EPHA6: variants seen among roughly 807,000 people sequenced by gnomAD.
The protein encoded by EPHA6 is EPH receptor A6.
In EPHA6, 50 loss-of-function variants were observed where a neutral mutation model predicts 112.0. The observed-to-expected ratio is 0.45, with a 90% CI of 0.36 to 0.56. The LOEUF (loss-of-function observed/expected upper bound fraction) is 0.56. Ranked by LOEUF, EPHA6 falls within the 20% of genes least tolerant of loss-of-function variation. The pLI is 0.00. For missense variants in EPHA6, 1,280 were observed against 1,417.4 expected, an observed-to-expected ratio of 0.90 and a Z score of 1.56; for synonymous variants, 529 against 490.7, an observed-to-expected ratio of 1.08 and a Z score of -1.03.
At chr3:97,515,112 A>C (rs1278404207) in intron 10 of EPHA6, among the ~76,000 whole-genome samples, 1 of 152,222 alleles carries the variant, frequency 6.6e-6, no homozygotes, top group Non-Finnish European at 1.5e-5. Flanking sequence ...CATTAACCTG[A>C]GATAGTATGT....
At chr3:97,407,851 A>G (rs1252669635) in intron 6 of EPHA6, among the ~76,000 whole-genome samples, 1 of 152,010 alleles carries the variant, frequency 6.6e-6, no homozygotes, top group Non-Finnish European at 1.5e-5. Flanking sequence ...CCCCTTCAAA[A>G]CAGTCCAAAC....
intron 3 of EPHA6, among the ~76,000 whole-genome samples, chr3:97,047,454 C>A (rs1187730524): frequency 6.9e-6 from 1 of 144,496 alleles, no homozygotes; most frequent in Non-Finnish European, 1.5e-5. Context: ...GAGCAGAGAT[C>A]GCACCACTGC....
intron 3 of EPHA6, among the ~76,000 whole-genome samples, chr3:97,187,582 CAAAAAAA>C (rs756097255): frequency 1.1e-4 from 3 of 26,586 alleles, no homozygotes; most frequent in Non-Finnish European, 2.0e-4. Flanking sequence ...CTCAAAACGT[CAAAAAAA>C]AAAAAAAAGA....
At chr3:97,264,650 C>T (rs2079612173) in intron 5 of EPHA6, among the ~76,000 whole-genome samples, 1 of 152,208 alleles carries the variant, frequency 6.6e-6, no homozygotes, top group Admixed American at 6.5e-5. Context: ...CATTTTTAGC[C>T]TCGCCATTTG....
intron 3 of EPHA6, among the ~76,000 whole-genome samples, chr3:97,205,378 T>G (rs1047368760): frequency 5.9e-5 from 9 of 151,944 alleles, no homozygotes; most frequent in African/African-American, 2.2e-4. Context: ...ATTTATTTAT[T>G]AAATATAATT....
intron 15 of EPHA6, among the ~76,000 whole-genome samples, chr3:97,729,793 T>C (rs944070682): frequency 6.6e-6 from 1 of 152,014 alleles, no homozygotes; most frequent in South Asian, 2.1e-4. Context: ...TATTGTATTA[T>C]GAATATAAAT....
chr3:96,887,083 T>G (rs1232743816), intron 2 of EPHA6, among the ~76,000 whole-genome samples: 3 of 152,224 alleles, frequency 2.0e-5, no homozygotes, highest in Non-Finnish European at 4.4e-5. Flanking sequence ...CTTTTTGAGG[T>G]AAATCAGGGA....
At position 97,609,411 on chromosome 3, in the gene EPHA6, T is replaced by G. The variant is rs1198478563; in HGVS notation, c.2513-1382T>G. Among the ~76,000 whole-genome samples the G allele has an allele frequency of 2.0e-5, 3 of 151,388 alleles. No homozygotes were observed. The Admixed American group carries it at 2.0e-4, about 10-fold the overall frequency. On this transcript the variant is annotated intron_variant, in intron 12 of 17. Transcript: ENST00000389672. The stretch of plus-strand genomic sequence containing the variant: ...AGGTTTAAAACCTGAATTTTCTAGA[T>G]CCCTGCCCACAAGAGTGCTGACAGT...
intron 12 of EPHA6, among the ~76,000 whole-genome samples, chr3:97,602,401 T>A (rs1677510844): frequency 6.6e-6 from 1 of 152,006 alleles, no homozygotes; most frequent in South Asian, 2.1e-4. Context: ...TAGTTCATAA[T>A]ACCCTTCCAG....
At chr3:97,588,648 A>T (rs1423214683) in intron 11 of EPHA6, among the ~76,000 whole-genome samples, 1 of 152,234 alleles carries the variant, frequency 6.6e-6, no homozygotes, top group East Asian at 1.9e-4. Context: ...TTATTTTTAA[A>T]GAAACACTAA....
intron 5 of EPHA6, among the ~76,000 whole-genome samples, chr3:97,351,468 A>G (rs1224837107): frequency 6.6e-6 from 1 of 152,232 alleles, no homozygotes; most frequent in African/African-American, 2.4e-5. Context: ...ATATATTTCA[A>G]CTTTTGTCAA....
intron 5 of EPHA6, among the ~76,000 whole-genome samples, chr3:97,399,479 T>C (rs961847104): frequency 2.0e-5 from 3 of 151,632 alleles, no homozygotes; most frequent in African/African-American, 7.2e-5. Context: ...GATCATATGG[T>C]AGTTCTATTT....
At chr3:97,279,897 T>G (rs1206938399) in intron 5 of EPHA6, among the ~76,000 whole-genome samples, 1 of 152,208 alleles carries the variant, frequency 6.6e-6, no homozygotes, top group Non-Finnish European at 1.5e-5. Context: ...TGTTTTTGTT[T>G]TTTTTGAGAC....
At chr3:97,677,878 G>T (rs1366361735) in intron 14 of EPHA6, among the ~76,000 whole-genome samples, 1 of 152,036 alleles carries the variant, frequency 6.6e-6, no homozygotes, top group Non-Finnish European at 1.5e-5. Context: ...GGAGTTAAAA[G>T]AACTGTAATT....
At chr3:97,201,949 G>C (rs1386699951) in intron 3 of EPHA6, among the ~76,000 whole-genome samples, 1 of 152,024 alleles carries the variant, frequency 6.6e-6, no homozygotes, top group African/African-American at 2.4e-5. Flanking sequence ...GCTCATCGTT[G>C]GCAAAGTACT....
intron 3 of EPHA6, among the ~76,000 whole-genome samples, chr3:97,162,871 A>G (rs1206062660): frequency 1.3e-5 from 2 of 152,192 alleles, no homozygotes; most frequent in African/African-American, 4.8e-5. Context: ...TAGAAACACT[A>G]TCAACTAGCC....
chr3:96,992,633 T>TA, intron 3 of EPHA6, among the ~76,000 whole-genome samples: 1 of 152,114 alleles, frequency 6.6e-6, no homozygotes, highest in South Asian at 2.1e-4. Flanking sequence ...TTCTGATATA[T>TA]TGATTCTAAG....
At chr3:97,329,114 G>C (rs2082639232) in intron 5 of EPHA6, among the ~76,000 whole-genome samples, 1 of 152,046 alleles carries the variant, frequency 6.6e-6, no homozygotes, top group Non-Finnish European at 1.5e-5. Context: ...ATGGTTTCCA[G>C]CTTCATCCAT....
chr3:97,569,190 C>T (rs1376179150), intron 11 of EPHA6, among the ~76,000 whole-genome samples: 1 of 152,062 alleles, frequency 6.6e-6, no homozygotes, highest in Non-Finnish European at 1.5e-5. Flanking sequence ...CACTGTGTTG[C>T]TATTATTATT....
Sources: allele counts gnomAD v4.1 joint callset (sites outside exome capture counted in the v4.1 genomes callset), GRCh38; gene constraint gnomAD v4.1.1; transcripts MANE v1.5; gene names NCBI Gene and HGNC (gene_info 2026-07-23, HGNC 2026-07-21).